Variants in HIP1 observed in about 807,000 individuals in gnomAD.
HIP1 encodes huntingtin interacting protein 1.
HIP1 carries 65 observed loss-of-function variants against 147.6 expected under a neutral mutation model. The observed-to-expected ratio is 0.44, with a 90% CI of 0.36 to 0.54. HIP1 has a LOEUF of 0.54. Ranked by LOEUF, HIP1 falls within the 20% of genes least tolerant of loss-of-function variation. The pLI, the probability that HIP1 is intolerant of heterozygous loss-of-function variation, is 0.00. For synonymous variants in HIP1, 479 were observed against 504.0 expected, an observed-to-expected ratio of 0.95 and a Z score of 0.67; for missense variants, 1,061 against 1,299.6, an observed-to-expected ratio of 0.82 and a Z score of 2.82.
rs1800821471 is a variant in HIP1 at position 75,701,225 on chromosome 7, C to G, written c.120+37576G>C. ...CCTGGCCAACATGATGAAACCCTGT[C>G]TCTACCAAAAATACAAAATTTAGCC... On this transcript the variant is annotated intron_variant, in intron 1 of 30. Coordinates refer to ENST00000336926, the MANE Select transcript of HIP1 (RefSeq NM_005338.7). Among the ~76,000 whole-genome samples the G allele has an allele frequency of 3.3e-5, 5 of 152,024 alleles. 1 individual carries two copies. The highest frequency in any genetic ancestry group is 3.3e-4 in the Admixed American group (5 of 15,248).
At chr7:75,624,512 G>A (rs1003396437) in intron 1 of HIP1, among the ~76,000 whole-genome samples, 2 of 152,076 alleles carry the variant, frequency 1.3e-5, no homozygotes, top group African/African-American at 4.8e-5. Flanking sequence ...CCCCAGGCAG[G>A]GTAAGCCCCA....
intron 1 of HIP1, among the ~76,000 whole-genome samples, chr7:75,697,262 C>T (rs891576131): frequency 6.6e-6 from 1 of 151,880 alleles, no homozygotes; most frequent in Non-Finnish European, 1.5e-5. Context: ...ATTTTTAAGC[C>T]ATTAATTGAG....
intron 1 of HIP1, among the ~76,000 whole-genome samples, chr7:75,639,761 C>T (rs1172258899): frequency 6.6e-6 from 1 of 152,122 alleles, no homozygotes. Context: ...CGGCCCCTCC[C>T]CACTTGGCTT....
intron 1 of HIP1, among the ~76,000 whole-genome samples, chr7:75,608,997 A>G (rs1797329071): frequency 6.6e-6 from 1 of 152,164 alleles, no homozygotes; most frequent in African/African-American, 2.4e-5. Flanking sequence ...TGCTAAGGAA[A>G]GTGGGGAACA....
intron 22 of HIP1, among the ~76,000 whole-genome samples, chr7:75,551,481 C>A (rs1794781851): frequency 6.8e-6 from 1 of 147,964 alleles, no homozygotes; most frequent in Admixed American, 6.7e-5. Flanking sequence ...TCCCAAAGTG[C>A]TGGGATTACA....
intron 1 of HIP1, among the ~76,000 whole-genome samples, chr7:75,692,165 G>T (rs1458912970): frequency 6.6e-6 from 1 of 152,038 alleles, no homozygotes; most frequent in Non-Finnish European, 1.5e-5. Context: ...ACTCCCCAAA[G>T]GCAGTCTTGC....
At chr7:75,573,621 A>G in intron 8 of HIP1, 140 bp downstream of exon 8, 1 of 827,662 alleles carries the variant, frequency 1.2e-6, no homozygotes, top group South Asian at 1.8e-5. Flanking sequence ...CACAATGGTC[A>G]GAAGCTCCGG....
intron 1 of HIP1, among the ~76,000 whole-genome samples, chr7:75,677,494 T>A (rs1391264775): frequency 6.7e-6 from 1 of 148,962 alleles, no homozygotes; most frequent in Non-Finnish European, 1.5e-5. Flanking sequence ...TAATCCCAGC[T>A]ACTCAGGAGG....
chr7:75,720,980 G>A (rs923543744), intron 1 of HIP1, among the ~76,000 whole-genome samples: 1 of 150,076 alleles, frequency 6.7e-6, no homozygotes, highest in South Asian at 2.1e-4. Context: ...GGAGGTTGCG[G>A]TAAGCCAAGA....
intron 8 of HIP1, among the ~76,000 whole-genome samples, chr7:75,573,052 G>T (rs187841174): frequency 6.6e-6 from 1 of 152,230 alleles, no homozygotes; most frequent in African/African-American, 2.4e-5. Context: ...CGGGTCCCCG[G>T]TGGGGGCCGG....
At chr7:75,554,664 C>A in intron 19 of HIP1, 138 bp from the exon 20 acceptor site, 1 of 622,776 alleles carries the variant, frequency 1.6e-6, no homozygotes, top group Non-Finnish European at 2.9e-6. Flanking sequence ...GTAATCACCT[C>A]TTGATTCAGA....
chr7:75,557,589 A>G lies in HIP1; in HGVS notation c.1581+65T>C. The G allele has an allele frequency of 6.6e-6, 8 of 1,216,726 alleles. No homozygotes were observed. In the South Asian group the frequency reaches 8.4e-5, roughly 13 times the overall value. 75.4% of individuals were successfully genotyped at this position (1,216,726 alleles called of 1,614,324 possible). ...AACTGCCCATGGAGCAGAAGGCCAC[A>G]AAGCCCCCGCCACCAACTCAACAGC... is the stretch of plus-strand genomic sequence containing the variant. On this transcript the variant is annotated intron_variant, in intron 16 of 30. Coordinates refer to ENST00000336926, the MANE Select transcript of HIP1 (RefSeq NM_005338.7).
At chr7:75,574,777 GGAA>G (rs1202575751) in intron 7 of HIP1, among the ~76,000 whole-genome samples, 1 of 152,088 alleles carries the variant, frequency 6.6e-6, no homozygotes, top group Non-Finnish European at 1.5e-5. Flanking sequence ...GATAGCTCAG[GGAA>G]GAAGAGATTT....
chr7:75,647,788 A>C (rs781790752), intron 1 of HIP1, among the ~76,000 whole-genome samples: 4 of 152,240 alleles, frequency 2.6e-5, no homozygotes, highest in African/African-American at 4.8e-5. Flanking sequence ...ATGCACTTGC[A>C]CATGTGGACG....
At chr7:75,634,245 G>C (rs1222966570) in intron 1 of HIP1, among the ~76,000 whole-genome samples, 4 of 150,656 alleles carry the variant, frequency 2.7e-5, no homozygotes, top group Non-Finnish European at 5.9e-5. Flanking sequence ...TGACAACAGA[G>C]TGAGACCTTG....
At chr7:75,663,180 G>C (rs1554513888) in intron 1 of HIP1, among the ~76,000 whole-genome samples, 1 of 152,182 alleles carries the variant, frequency 6.6e-6, no homozygotes, top group African/African-American at 2.4e-5. Flanking sequence ...GGCAAGTTCT[G>C]TTTTGAATCA....
chr7:75,694,987 TG>T lies in HIP1; in HGVS notation c.120+43813del, dbSNP rs547137257. Among the ~76,000 whole-genome samples the T allele has an allele frequency of 6.8e-3, 1,036 of 152,312 alleles. 15 individuals carry two copies. The highest frequency in any genetic ancestry group is 0.023 in the African/African-American group (977 of 41,576). The stretch of plus-strand genomic sequence containing the variant: ...CCTCTTGAACTCTATGAGAAAACTA[TG>T]GAAAAGTTCCTTCAGTCTTCTGAAA... On this transcript the variant is annotated intron_variant, in intron 1 of 30. Coordinates refer to ENST00000336926, the MANE Select transcript of HIP1 (RefSeq NM_005338.7).
At chr7:75,595,397 C>T (rs1402075389) in intron 2 of HIP1, among the ~76,000 whole-genome samples, 1 of 151,182 alleles carries the variant, frequency 6.6e-6, no homozygotes, top group Non-Finnish European at 1.5e-5. Flanking sequence ...GGCTGGAGTG[C>T]AGTGGCACAA....
intron 2 of HIP1, among the ~76,000 whole-genome samples, chr7:75,595,335 T>A (rs1428819567): frequency 2.0e-5 from 3 of 147,588 alleles, no homozygotes; most frequent in African/African-American, 7.5e-5. Flanking sequence ...CTCTCTCTCG[T>A]TCGTTCTTTC....
Sources: allele counts gnomAD v4.1 joint callset (sites outside exome capture counted in the v4.1 genomes callset), GRCh38; gene constraint gnomAD v4.1.1; transcripts MANE v1.5; gene names NCBI Gene and HGNC (gene_info 2026-07-23, HGNC 2026-07-21).